FAM222B: variants seen among roughly 807,000 people sequenced by gnomAD.
FAM222B encodes family with sequence similarity 222 member B, also known as protein FAM222B.
A neutral mutation model predicts 38.0 loss-of-function variants in FAM222B; 12 were observed. The ratio of observed to expected loss-of-function variants is 0.32; its 90% CI spans 0.20 to 0.51. The LOEUF is 0.51. FAM222B is among the 20% of genes least tolerant of loss of function. The pLI is 0.97. For synonymous variants in FAM222B, 329 were observed against 317.2 expected, an observed-to-expected ratio of 1.04 and a Z score of -0.40; for missense variants, 716 against 754.2, an observed-to-expected ratio of 0.95 and a Z score of 0.59.
chr17:28,829,577 T>C (rs1366303642), intron 1 of FAM222B, among the ~76,000 whole-genome samples: 2 of 152,178 alleles, frequency 1.3e-5, no homozygotes, highest in African/African-American at 4.8e-5. Context: ...ATACAGACCA[T>C]AGCCTTTTGA....
chr17:28,778,508 G>A (rs560199254), intron 1 of FAM222B, among the ~76,000 whole-genome samples: 4 of 141,056 alleles, frequency 2.8e-5, no homozygotes, highest in African/African-American at 1.0e-4. Context: ...CCCCACCCCC[G>A]CTTTTTTTTT....
intron 1 of FAM222B, among the ~76,000 whole-genome samples, chr17:28,801,467 A>G (rs937389487): frequency 2.0e-5 from 3 of 151,616 alleles, no homozygotes; most frequent in East Asian, 1.9e-4. Context: ...AAAAAAAAAA[A>G]AAAGAAAAGA....
rs34697365 is a variant in FAM222B, at chr17:28,758,810, C to A, written c.1149G>T (p.Thr383=). The change falls in exon 3 of 3, where the codon ACG becomes ACT. Residue 383 remains threonine (T), a synonymous_variant. Coordinates refer to ENST00000581407, the MANE Select transcript of FAM222B (RefSeq NM_001077498.3). ...GCTTGCCTGTCAGGCCAGGGGCTGG[C>A]GTCCCACTAGCCTCGCTGCACATCT... ...LQQMCSEASG[T]PAPGLTGKHA... 6.3e-7 allele frequency: 1 copy of A among 1,580,146 alleles called. No homozygotes were observed. Among genetic ancestry groups the A allele is most frequent in the Non-Finnish European group, 8.6e-7 (1 of 1,162,290 alleles).
intron 2 of FAM222B, among the ~76,000 whole-genome samples, chr17:28,760,587 G>GA (rs67512528): frequency 0.2 from 28,056 of 141,966 alleles, 2,724 homozygotes; most frequent in South Asian, 0.32. Flanking sequence ...CTCAGAAAAA[G>GA]AAAAAAAAAA....
At chr17:28,833,212 G>A (rs530627426) in intron 1 of FAM222B, among the ~76,000 whole-genome samples, 6 of 151,732 alleles carry the variant, frequency 4.0e-5, no homozygotes, top group African/African-American at 1.2e-4. Context: ...GGGAGGCTGA[G>A]GCAGGAGAAT....
At chr17:28,763,369 G>A (rs1365484187) in intron 2 of FAM222B, among the ~76,000 whole-genome samples, 2 of 152,258 alleles carry the variant, frequency 1.3e-5, no homozygotes, top group Non-Finnish European at 2.9e-5. Flanking sequence ...GGCTGAGTCT[G>A]ACCACAGACA....
intron 1 of FAM222B, among the ~76,000 whole-genome samples, chr17:28,775,738 G>A (rs1188550014): frequency 6.6e-6 from 1 of 151,616 alleles, no homozygotes; most frequent in Admixed American, 6.6e-5. Context: ...AAAATTAGCC[G>A]GGCATGGTGG....
chr17:28,758,708 C>T lies in FAM222B; in HGVS notation c.1251G>A (p.Ala417=), dbSNP rs76905501. The T allele has an allele frequency of 8.5e-5, 136 of 1,596,296 alleles. No homozygotes were observed. The highest frequency in any genetic ancestry group is 1.7e-4 in the Middle Eastern group (1 of 6,034). Residue 417 remains alanine (A), a synonymous_variant, in exon 3 of 3, where the codon GCG becomes GCA. Coordinates refer to ENST00000581407, the MANE Select transcript of FAM222B (RefSeq NM_001077498.3). ...GGGGTGGCTTCAGATGGAAGGACTG[C>T]GCCAGGCAGAGTTCCTGCGGGTAGG... is the stretch of plus-strand genomic sequence containing the variant. ...APAYPQELCL[A]QSFHLKPPLE...
intron 1 of FAM222B, among the ~76,000 whole-genome samples, chr17:28,798,086 GA>G (rs1048482957): frequency 2.0e-5 from 3 of 151,770 alleles, no homozygotes; most frequent in African/African-American, 4.8e-5. Flanking sequence ...TAAACGCTAC[GA>G]AAAAAATATG....
chr17:28,778,323 A>G (rs2035989390), intron 1 of FAM222B, among the ~76,000 whole-genome samples: 1 of 151,576 alleles, frequency 6.6e-6, no homozygotes, highest in African/African-American at 2.4e-5. Flanking sequence ...TTCAGCTCCC[A>G]CTTATGAGTG....
chr17:28,832,937 G>A (rs1317199535), intron 1 of FAM222B, among the ~76,000 whole-genome samples: 1 of 149,718 alleles, frequency 6.7e-6, no homozygotes, highest in African/African-American at 2.5e-5. Flanking sequence ...TTGGGAGGCT[G>A]AGCCAGGAGG....
At chr17:28,766,747 C>A in intron 1 of FAM222B, 40 bp from the exon 2 acceptor site, 1 of 1,180,082 alleles carries the variant, frequency 8.5e-7, no homozygotes, top group African/African-American at 1.5e-5. Context: ...CACAAGGCAA[C>A]TCATTCGAAG....
At chr17:28,854,339 C>T (rs748513404) in intron 1 of FAM222B, among the ~76,000 whole-genome samples, 75 of 152,190 alleles carry the variant, frequency 4.9e-4, no homozygotes, top group Non-Finnish European at 2.2e-4. Context: ...GCTGCTAGAG[C>T]GGTCTAGGAG....
At chr17:28,805,624 C>CTG (rs2037455992) in intron 1 of FAM222B, among the ~76,000 whole-genome samples, 1 of 151,530 alleles carries the variant, frequency 6.6e-6, no homozygotes, top group African/African-American at 2.4e-5. Flanking sequence ...ATATTCGAAC[C>CTG]TGGATGACAC....
chr17:28,775,679 G>A (rs1224380440), intron 1 of FAM222B, among the ~76,000 whole-genome samples: 3 of 151,810 alleles, frequency 2.0e-5, no homozygotes, highest in Non-Finnish European at 4.4e-5. Flanking sequence ...TCAGGAGTTC[G>A]TGACCAGCCT....
At chr17:28,794,569 T>G (rs2151882406) in intron 1 of FAM222B, among the ~76,000 whole-genome samples, 1 of 152,136 alleles carries the variant, frequency 6.6e-6, no homozygotes, top group South Asian at 2.1e-4. Context: ...CCACAACATT[T>G]TAAGAAGTAA....
chr17:28,790,884 C>CTTTTTTTTTTTTT (rs60664262), intron 1 of FAM222B, among the ~76,000 whole-genome samples: 11 of 86,084 alleles, frequency 1.3e-4, no homozygotes, highest in Non-Finnish European at 2.4e-4. Flanking sequence ...AATTGTTTCA[C>CTTTTTTTTTTTTT]TTTTTTTTTT....
At chr17:28,783,389 A>C (rs1299828405) in intron 1 of FAM222B, among the ~76,000 whole-genome samples, 1 of 152,184 alleles carries the variant, frequency 6.6e-6, no homozygotes, top group Non-Finnish European at 1.5e-5. Context: ...ACTACACAGA[A>C]GTGGGTAAGA....
chr17:28,844,611 T>C (rs1183282412), upstream of FAM222B, among the ~76,000 whole-genome samples: 2 of 151,856 alleles, frequency 1.3e-5, no homozygotes, highest in Non-Finnish European at 1.5e-5. Flanking sequence ...TGAGCCGAGA[T>C]CAAGCCACTG....
Sources: allele counts gnomAD v4.1 joint callset (sites outside exome capture counted in the v4.1 genomes callset), GRCh38; gene constraint gnomAD v4.1.1; transcripts MANE v1.5; gene names NCBI Gene and HGNC (gene_info 2026-07-23, HGNC 2026-07-21).